EPB41L4B: variants seen among roughly 807,000 people sequenced by gnomAD.
EPB41L4B encodes band 4.1-like protein 4B.
EPB41L4B carries 30 observed loss-of-function variants against 112.5 expected under a neutral mutation model. The observed-to-expected ratio is 0.27, with a 90% confidence interval of 0.20 to 0.36. The LOEUF is 0.36. EPB41L4B is among the 10% of genes least tolerant of loss of function. EPB41L4B has a pLI of 1.00. For synonymous variants in EPB41L4B, 408 were observed against 439.7 expected (o/e 0.93, Z 0.90); for missense variants, 1,024 against 1,133.3 (o/e 0.90, Z 1.38).
In EPB41L4B at chr9:109,270,246, A is replaced by G. The variant is rs1006752719; in HGVS notation, c.412-1813T>C. Among the ~76,000 whole-genome samples the G allele has an allele frequency of 2.6e-5, 4 of 152,240 alleles. No individual in the cohort carries two copies. The East Asian group carries it at 7.7e-4, about 29-fold the overall frequency. ...CAGCACAATGTTACATGAGAAAAAAAAATCAGGTGGAATCTCATTTATATA... is the reference window on the plus strand; with the variant it reads ...CAGCACAATGTTACATGAGAAAAAAGAATCAGGTGGAATCTCATTTATATA... On this transcript the variant is annotated intron_variant, in intron 2 of 25. Transcript: ENST00000374566.
At chr9:109,301,453 T>TACCA (rs1174736925) in intron 1 of EPB41L4B, among the ~76,000 whole-genome samples, 1 of 152,210 alleles carries the variant, frequency 6.6e-6, no homozygotes, top group Non-Finnish European at 1.5e-5. Context: ...CACACTCCTC[T>TACCA]ACCACTCAGC....
At chr9:109,230,052 T>A (rs986439) in intron 15 of EPB41L4B, among the ~76,000 whole-genome samples, 57,707 of 152,078 alleles carry the variant, frequency 0.38, 11,410 homozygotes, top group Admixed American at 0.49. Context: ...TGAACACCAG[T>A]GCAGTAATCA....
Position 109,271,048 on chromosome 9 carries a change from C to T in EPB41L4B, c.412-2615G>A, listed in dbSNP as rs371090853. Reference sequence around the variant, plus strand: ...CATGCACAACCCCTTCTCGAAATTGCTGTTTGGGCTCTGCAAAATCTCAAG... The same window carrying T: ...CATGCACAACCCCTTCTCGAAATTGTTGTTTGGGCTCTGCAAAATCTCAAG... On this transcript the variant is annotated intron_variant, in intron 2 of 25. Transcript: ENST00000374566. 1.4e-4 allele frequency among the ~76,000 whole-genome samples: 21 copies of T among 152,358 alleles called. No homozygotes were observed. In the East Asian group the frequency reaches 4.0e-3, roughly 29 times the overall value.
chr9:109,280,043 A>T, intron 1 of EPB41L4B, 122 bp from the exon 2 acceptor site: 1 of 648,156 alleles, frequency 1.5e-6, no homozygotes, highest in East Asian at 2.8e-5. Context: ...CAAATTTTTA[A>T]ATTTGTAATT....
chr9:109,220,057 A>G (rs374466144), intron 15 of EPB41L4B, among the ~76,000 whole-genome samples: 3 of 152,242 alleles, frequency 2.0e-5, no homozygotes, highest in African/African-American at 7.2e-5. Flanking sequence ...TGAAGCTGGC[A>G]TTACCACTGA....
chr9:109,242,312 C>T (rs1276829956), intron 15 of EPB41L4B, among the ~76,000 whole-genome samples: 1 of 152,172 alleles, frequency 6.6e-6, no homozygotes, highest in Non-Finnish European at 1.5e-5. Flanking sequence ...AAACAAGCTT[C>T]CAGATGACAC....
rs1385520366 is a variant in EPB41L4B at position 109,255,521 on chromosome 9, A to T, written c.1159T>A (p.Phe387Ile). The T allele has an allele frequency of 2.5e-6, 4 of 1,613,984 alleles. No individual in the cohort carries two copies. Among genetic ancestry groups the T allele is most frequent in the Non-Finnish European group, 3.4e-6 (4 of 1,179,956 alleles). ...RSDFIRLGSR[F>I]RFSGRTEYQA... ...GAAATGGCTCCCTACCTGAATCTGA[A>T]GCGAGAGCCCAGCCTGATAAAGTCG... The change falls in exon 11 of 26, where the codon TTC becomes ATC. Residue 387 changes from phenylalanine to isoleucine, a missense_variant. Phe to Ile is a conservative substitution (Grantham distance 21). Coordinates refer to ENST00000374566, the MANE Select transcript of EPB41L4B (RefSeq NM_019114.5).
At chr9:109,282,897 G>GGCTA (rs1415110701) in intron 1 of EPB41L4B, among the ~76,000 whole-genome samples, 1 of 151,546 alleles carries the variant, frequency 6.6e-6, no homozygotes, top group African/African-American at 2.4e-5. Flanking sequence ...TGGCCAGGCT[G>GGCTA]GTCTCAACTC....
chr9:109,319,509 A>C (rs10979823), intron 1 of EPB41L4B, among the ~76,000 whole-genome samples: 10,973 of 152,160 alleles, frequency 0.072, 531 homozygotes, highest in East Asian at 0.14. Context: ...AAGTCACCCT[A>C]CCCGCTGCGA....
chr9:109,200,922 AT>A (rs2118744149), intron 19 of EPB41L4B, among the ~76,000 whole-genome samples: 1 of 152,310 alleles, frequency 6.6e-6, no homozygotes, highest in South Asian at 2.1e-4. Flanking sequence ...TTACTCAAGA[AT>A]TTATTTCAGG....
At chr9:109,304,601 G>A (rs78794392) in intron 1 of EPB41L4B, among the ~76,000 whole-genome samples, 1,636 of 152,256 alleles carry the variant, frequency 0.011, 33 homozygotes, top group African/African-American at 0.037. Flanking sequence ...CTTAGGCACT[G>A]TGTGTTCTCT....
At chr9:109,188,332 G>A (rs1832341105) in intron 22 of EPB41L4B, among the ~76,000 whole-genome samples, 1 of 152,136 alleles carries the variant, frequency 6.6e-6, no homozygotes, top group Admixed American at 6.6e-5. Context: ...AGAGCAGCAA[G>A]AACCAGCCCT....
chr9:109,237,492 A>G (rs1834188032), intron 15 of EPB41L4B, among the ~76,000 whole-genome samples: 1 of 152,230 alleles, frequency 6.6e-6, no homozygotes, highest in Non-Finnish European at 1.5e-5. Flanking sequence ...ATTCCAGAAG[A>G]CATTGTTCAT....
chr9:109,267,316 T>A (rs903540884), intron 4 of EPB41L4B, among the ~76,000 whole-genome samples, 157 bp downstream of exon 4: 1 of 152,250 alleles, frequency 6.6e-6, no homozygotes, highest in Non-Finnish European at 1.5e-5. Context: ...GTTGTGGATT[T>A]TTAACGGAAC....
intron 16 of EPB41L4B, among the ~76,000 whole-genome samples, chr9:109,214,218 G>A (rs1212672875): frequency 6.6e-6 from 1 of 152,188 alleles, no homozygotes; most frequent in Non-Finnish European, 1.5e-5. Context: ...CATATAACGT[G>A]CCCTTAAAAG....
At chr9:109,190,725 C>T (rs1374677091) in intron 22 of EPB41L4B, among the ~76,000 whole-genome samples, 1 of 152,234 alleles carries the variant, frequency 6.6e-6, no homozygotes, top group Non-Finnish European at 1.5e-5. Context: ...CTTTGATACA[C>T]ACTTGCTATG....
chr9:109,295,198 C>T (rs574867218), intron 1 of EPB41L4B, among the ~76,000 whole-genome samples: 2 of 152,194 alleles, frequency 1.3e-5, no homozygotes, highest in Admixed American at 1.3e-4. Flanking sequence ...GACTTTGTGC[C>T]TAACTTCACA....
At chr9:109,224,345 C>A (rs1432297453) in intron 15 of EPB41L4B, among the ~76,000 whole-genome samples, 1 of 152,158 alleles carries the variant, frequency 6.6e-6, no homozygotes, top group Non-Finnish European at 1.5e-5. Context: ...TACAAAAGAA[C>A]ATTATTCAGC....
chr9:109,197,201 T>G (rs1832671155), intron 20 of EPB41L4B, among the ~76,000 whole-genome samples: 1 of 152,144 alleles, frequency 6.6e-6, no homozygotes, highest in South Asian at 2.1e-4. Flanking sequence ...AGCGGGCGGA[T>G]CACCTGAGGT....
Sources: gnomAD v4.1 joint callset for allele counts (sites outside exome capture counted in the v4.1 genomes callset) on GRCh38, gnomAD v4.1.1 for gene constraint, MANE v1.5 for transcripts, NCBI Gene and HGNC (gene_info 2026-07-23, HGNC 2026-07-21) for gene names.